The following SCAPER variants were observed in gnomAD, a reference collection of about 807,000 sequenced individuals.
The protein encoded by SCAPER is S phase cyclin A-associated protein in the endoplasmic reticulum.
In SCAPER, 98 loss-of-function variants were observed where a neutral mutation model predicts 182.2. That is an observed-to-expected ratio of 0.54 (90% CI 0.46 to 0.64). The LOEUF (loss-of-function observed/expected upper bound fraction) is 0.64. Among genes scored for constraint, SCAPER ranks in the 30% least tolerant of loss-of-function variants. The probability of loss-of-function intolerance (pLI) is 0.00; values close to 1 mark genes in which losing one functional copy is unlikely to be tolerated. For synonymous variants in SCAPER, 605 were observed against 564.6 expected, an observed-to-expected ratio of 1.07 and a Z score of -1.01; for missense variants, 1,432 against 1,690.0, an observed-to-expected ratio of 0.85 and a Z score of 2.68.
At chr15:76,489,793 C>T (rs2052094371) in intron 24 of SCAPER, among the ~76,000 whole-genome samples, 1 of 152,094 alleles carries the variant, frequency 6.6e-6, no homozygotes, top group Admixed American at 6.6e-5. Context: ...ATTAGCAACT[C>T]CCTATTTTCC....
intron 5 of SCAPER, among the ~76,000 whole-genome samples, chr15:76,837,391 G>C (rs2069052118): frequency 6.6e-6 from 1 of 152,158 alleles, no homozygotes; most frequent in Admixed American, 6.5e-5. Context: ...GGAGGCCTCA[G>C]AAAACTTATG....
At chr15:76,690,765 AAC>A (rs1215586045) in intron 20 of SCAPER, among the ~76,000 whole-genome samples, 1 of 152,160 alleles carries the variant, frequency 6.6e-6, no homozygotes, top group Non-Finnish European at 1.5e-5. Flanking sequence ...ACTGCTCCAG[AAC>A]ACAGATAAGG....
intron 1 of SCAPER, among the ~76,000 whole-genome samples, chr15:76,898,586 C>T (rs2074559635): frequency 6.6e-6 from 1 of 152,296 alleles, no homozygotes; most frequent in East Asian, 1.9e-4. Context: ...CTGATATGTG[C>T]TACAAAATGG....
intron 15 of SCAPER, among the ~76,000 whole-genome samples, chr15:76,750,871 G>C (rs1162569068): frequency 1.3e-5 from 2 of 151,788 alleles, no homozygotes; most frequent in Admixed American, 6.6e-5. Flanking sequence ...ATTTAAGGTA[G>C]CACCAGAAGT....
rs1205334378 is a variant in SCAPER, at chr15:76,604,973, C to G, written c.2711+16791G>C. On this transcript the variant is annotated intron_variant, in intron 22 of 31. Transcript: ENST00000563290. The stretch of plus-strand genomic sequence containing the variant: ...AATATACAATCATGTCATCTGCAAA[C>G]AGGGACAACTTGACTTCCTCTTTTC... Among the ~76,000 whole-genome samples, 3 of 152,162 alleles carry G rather than the reference C, an allele frequency of 2.0e-5. No homozygotes were observed. The East Asian group carries it at 5.8e-4, about 29-fold the overall frequency.
chr15:76,567,301 C>A, intron 23 of SCAPER: 1 of 451,944 alleles, frequency 2.2e-6, no homozygotes. Flanking sequence ...TTGATGGATT[C>A]TTGCACTATT....
At chr15:76,736,190 A>G (rs1356696526) in intron 15 of SCAPER, among the ~76,000 whole-genome samples, 1 of 152,252 alleles carries the variant, frequency 6.6e-6, no homozygotes, top group Non-Finnish European at 1.5e-5. Context: ...GTCTAAATAA[A>G]CAATGTACGC....
chr15:76,424,151 C>A (rs972887009), intron 26 of SCAPER, among the ~76,000 whole-genome samples: 1 of 152,162 alleles, frequency 6.6e-6, no homozygotes, highest in African/African-American at 2.4e-5. Context: ...TGGTGCAGAG[C>A]TGAGTTCAAT....
At chr15:76,406,393 G>A (rs1239300417) in intron 26 of SCAPER, among the ~76,000 whole-genome samples, 3 of 152,036 alleles carry the variant, frequency 2.0e-5, no homozygotes, top group Admixed American at 6.6e-5. Flanking sequence ...CAGGAGAATC[G>A]CTTGAACCCG....
chr15:76,728,128 A>G (rs991402690), intron 17 of SCAPER, among the ~76,000 whole-genome samples: 1 of 151,990 alleles, frequency 6.6e-6, no homozygotes, highest in Non-Finnish European at 1.5e-5. Flanking sequence ...TGTGTCTTTA[A>G]ATCTTAAACA....
intron 23 of SCAPER, among the ~76,000 whole-genome samples, chr15:76,517,762 G>C (rs140552880): frequency 1.2e-4 from 18 of 151,984 alleles, no homozygotes; most frequent in African/African-American, 3.6e-4. Context: ...TTTTTCTATT[G>C]ATGTCCTCCT....
chr15:76,523,092 G>C (rs931980325), intron 23 of SCAPER, among the ~76,000 whole-genome samples: 2 of 151,844 alleles, frequency 1.3e-5, no homozygotes, highest in African/African-American at 4.8e-5. Flanking sequence ...CTCTCATGAA[G>C]TATTCATGTC....
At chr15:76,451,425 A>C (rs575372285) in intron 25 of SCAPER, among the ~76,000 whole-genome samples, 1 of 152,284 alleles carries the variant, frequency 6.6e-6, no homozygotes, top group Admixed American at 6.5e-5. Context: ...TTTATAAGAA[A>C]CTGCCAAACT....
At chr15:76,608,673 G>A (rs959993744) in intron 22 of SCAPER, among the ~76,000 whole-genome samples, 22 of 152,174 alleles carry the variant, frequency 1.4e-4, no homozygotes, top group African/African-American at 3.1e-4. Flanking sequence ...TACCCAGTTC[G>A]AGATTCCCGG....
chr15:76,361,082 A>C (rs1024942166), intron 29 of SCAPER, among the ~76,000 whole-genome samples: 9 of 152,178 alleles, frequency 5.9e-5, no homozygotes, highest in African/African-American at 2.2e-4. Context: ...TCTGGATTAA[A>C]AATGCAAATT....
intron 5 of SCAPER, among the ~76,000 whole-genome samples, chr15:76,839,834 T>A (rs1404442052): frequency 6.6e-6 from 1 of 152,196 alleles, no homozygotes; most frequent in East Asian, 1.9e-4. Flanking sequence ...AAGTTTCTGC[T>A]TATCACAAAA....
At chr15:76,719,715 C>T (rs915294769) in intron 17 of SCAPER, among the ~76,000 whole-genome samples, 2 of 151,942 alleles carry the variant, frequency 1.3e-5, no homozygotes, top group African/African-American at 4.8e-5. Context: ...AGGCAGATAT[C>T]TTTAATAGTT....
chr15:76,888,285 G>A (rs1484290583), intron 1 of SCAPER, among the ~76,000 whole-genome samples: 2 of 152,166 alleles, frequency 1.3e-5, no homozygotes, highest in African/African-American at 4.8e-5. Flanking sequence ...TCAAAGGATC[G>A]CAGCTCCTCA....
intron 15 of SCAPER, among the ~76,000 whole-genome samples, chr15:76,734,529 C>G (rs2061125705): frequency 6.6e-6 from 1 of 152,186 alleles, no homozygotes. Flanking sequence ...TTCATAAGCA[C>G]TTTAATAAGT....
Sources: gnomAD v4.1 joint callset for allele counts (sites outside exome capture counted in the v4.1 genomes callset) on GRCh38, gnomAD v4.1.1 for gene constraint, MANE v1.5 for transcripts, NCBI Gene and HGNC (gene_info 2026-07-23, HGNC 2026-07-21) for gene names.